Variants in ESR1 observed in about 807,000 individuals in gnomAD.
ESR1 encodes the protein estrogen receptor 1.
In ESR1, 12 loss-of-function variants were observed where a neutral mutation model predicts 52.7. The ratio of observed to expected loss-of-function variants is 0.23; its 90% CI spans 0.15 to 0.37. The LOEUF is 0.37. Among genes scored for constraint, ESR1 ranks in the 10% least tolerant of loss-of-function variants. ESR1 has a pLI of 1.00. For missense variants in ESR1, 584 were observed against 779.7 expected (o/e 0.75, Z 2.99); for synonymous variants, 305 against 316.8 (o/e 0.96, Z 0.39).
chr6:151,657,061 C>A (rs955701283), intron 1 of ESR1, among the ~76,000 whole-genome samples: 1 of 152,122 alleles, frequency 6.6e-6, no homozygotes. Context: ...AGCCAAACAA[C>A]TTTTCAATGA....
chr6:152,121,143 T>C lies in ESR1; in HGVS notation c.851-4123T>C, dbSNP rs553317882. 2.6e-5 allele frequency among the ~76,000 whole-genome samples: 4 copies of C among 152,278 alleles called. No individual in the cohort carries two copies. In the East Asian group the frequency reaches 7.7e-4, roughly 29 times the overall value. On this transcript the variant is annotated intron_variant, in intron 6 of 6. Coordinates refer to the ESR1 transcript ENST00000427531. ...TGCCCCAGAATTATTAAATGATACA[T>C]TAAAATGCCACGAGCATCACATAAT...
intron 4 of ESR1, among the ~76,000 whole-genome samples, chr6:151,967,133 A>G (rs1469853921): frequency 6.6e-6 from 1 of 152,084 alleles, no homozygotes; most frequent in Non-Finnish European, 1.5e-5. Flanking sequence ...AGCTGTTGCA[A>G]TCTCTCAGGA....
exon 7 of ESR1, chr6:152,126,938 C>T (rs1236007188): frequency 1.3e-5 from 2 of 152,170 alleles, no homozygotes; most frequent in African/African-American, 2.4e-5. Flanking sequence ...TGTTACTTTT[C>T]GGCTAACACT....
intron 4 of ESR1, among the ~76,000 whole-genome samples, chr6:151,953,417 G>C (rs946169428): frequency 1.3e-5 from 2 of 152,070 alleles, no homozygotes; most frequent in Admixed American, 1.3e-4. Context: ...CTAAGTGAGT[G>C]AGGCAATAGA....
At chr6:152,088,306 A>G (rs1483271180) in intron 6 of ESR1, among the ~76,000 whole-genome samples, 1 of 152,198 alleles carries the variant, frequency 6.6e-6, no homozygotes, top group East Asian at 1.9e-4. Context: ...CAGGCATATG[A>G]AAAAGTAGAG....
chr6:152,005,278 T>C (rs1395292569), intron 4 of ESR1, among the ~76,000 whole-genome samples: 1 of 152,008 alleles, frequency 6.6e-6, no homozygotes, highest in Non-Finnish European at 1.5e-5. Flanking sequence ...TTAGGCAAAA[T>C]ATAATCCACA....
chr6:152,030,743 A>G (rs1269785019), intron 5 of ESR1, among the ~76,000 whole-genome samples: 1 of 152,210 alleles, frequency 6.6e-6, no homozygotes, highest in Non-Finnish European at 1.5e-5. Flanking sequence ...ACAGAAAATT[A>G]ACAAGGATAT....
intron 3 of ESR1, among the ~76,000 whole-genome samples, chr6:151,923,799 AT>A (rs982640542): frequency 2.6e-5 from 4 of 152,178 alleles, no homozygotes; most frequent in African/African-American, 9.7e-5. Context: ...GTGCATGTGT[AT>A]TTTCAAATTA....
chr6:151,820,179 A>T (rs1452232865), intron 1 of ESR1, among the ~76,000 whole-genome samples: 1 of 152,186 alleles, frequency 6.6e-6, no homozygotes, highest in African/African-American at 2.4e-5. Context: ...ATTTTTTAAG[A>T]ATGAGGATTT....
At chr6:152,042,357 C>A (rs1013927090) in intron 5 of ESR1, among the ~76,000 whole-genome samples, 1 of 152,184 alleles carries the variant, frequency 6.6e-6, no homozygotes, top group East Asian at 1.9e-4. Context: ...ATTAACTGAT[C>A]TCCAAAAGCC....
intron 2 of ESR1, among the ~76,000 whole-genome samples, chr6:151,714,522 G>A (rs939918660): frequency 1.1e-4 from 17 of 152,182 alleles, no homozygotes; most frequent in African/African-American, 4.1e-4. Flanking sequence ...GGGTGCTGCT[G>A]TATTGGGTGC....
At chr6:151,939,094 T>C (rs1409370657) in intron 3 of ESR1, among the ~76,000 whole-genome samples, 1 of 152,236 alleles carries the variant, frequency 6.6e-6, no homozygotes, top group Non-Finnish European at 1.5e-5. Flanking sequence ...TGCTGTTGAA[T>C]ATACTGCTCA....
At chr6:152,055,047 G>C (rs3020370) in intron 5 of ESR1, among the ~76,000 whole-genome samples, 30,770 of 152,006 alleles carry the variant, frequency 0.2, 3,280 homozygotes, top group South Asian at 0.35. Flanking sequence ...GCATTCCATT[G>C]TACATATATT....
At chr6:152,122,568 G>C (rs2051656911) in intron 6 of ESR1, 1 of 1,614,230 alleles carries the variant, frequency 6.2e-7, no homozygotes. Context: ...GGAGGAGCAG[G>C]AGAAGCTGAA....
intron 2 of ESR1, among the ~76,000 whole-genome samples, chr6:151,759,270 A>G (rs1369543723): frequency 9.1e-5 from 13 of 143,530 alleles, no homozygotes; most frequent in Admixed American, 7.6e-4. Flanking sequence ...CTCTGTCTCA[A>G]AAAAAAAAAA....
chr6:151,695,499 C>T (rs546205508), intron 1 of ESR1, among the ~76,000 whole-genome samples: 2 of 152,282 alleles, frequency 1.3e-5, no homozygotes, highest in African/African-American at 4.8e-5. Flanking sequence ...CCAACTGTTT[C>T]CTTGTCAAAA....
chr6:151,747,913 G>A (rs945133465), intron 2 of ESR1, among the ~76,000 whole-genome samples: 1 of 151,960 alleles, frequency 6.6e-6, no homozygotes, highest in African/African-American at 2.4e-5. Flanking sequence ...TTCCACTTTT[G>A]GCTATTACAA....
intron 4 of ESR1, among the ~76,000 whole-genome samples, chr6:152,008,621 G>A (rs1438652387): frequency 2.6e-5 from 4 of 151,972 alleles, no homozygotes; most frequent in Admixed American, 6.6e-5. Context: ...CATATTGATC[G>A]GTTACATGGT....
intron 6 of ESR1, chr6:152,122,436 T>C: frequency 1.2e-6 from 2 of 1,614,122 alleles, no homozygotes; most frequent in Non-Finnish European, 1.7e-6. Context: ...TCTGCTTAGT[T>C]CAGAGTGGAG....
Sources: gnomAD v4.1 joint callset for allele counts (sites outside exome capture counted in the v4.1 genomes callset) on GRCh38, gnomAD v4.1.1 for gene constraint, MANE v1.5 for transcripts, NCBI Gene and HGNC (gene_info 2026-07-23, HGNC 2026-07-21) for gene names.